The following RAPGEF4 variants were observed in gnomAD, a reference collection of about 807,000 sequenced individuals.
RAPGEF4 encodes the protein RAP guanine-nucleotide-exchange factor (GEF) 4.
In RAPGEF4, 66 loss-of-function variants were observed where a neutral mutation model predicts 147.9. That is an observed-to-expected ratio of 0.45 (90% CI 0.37 to 0.55). The LOEUF is 0.55. Among genes scored for constraint, RAPGEF4 ranks in the 20% least tolerant of loss-of-function variants. The pLI is 0.00. For missense variants in RAPGEF4, 1,071 were observed against 1,257.3 expected, an observed-to-expected ratio of 0.85 and a Z score of 2.24; for synonymous variants, 419 against 442.7, an observed-to-expected ratio of 0.95 and a Z score of 0.67.
intron 1 of RAPGEF4, among the ~76,000 whole-genome samples, chr2:172,745,442 T>G (rs1694679699): frequency 1.3e-5 from 2 of 152,088 alleles, no homozygotes. Context: ...CCCATATTGG[T>G]AATTTGTGTC....
intron 19 of RAPGEF4, 44 bp downstream of exon 19, chr2:173,016,481 A>G: frequency 6.7e-7 from 1 of 1,491,794 alleles, no homozygotes; most frequent in Non-Finnish European, 9.4e-7. Flanking sequence ...CATCAAGTAA[A>G]TCTCAAAAAG....
intron 14 of RAPGEF4, 41 bp downstream of exon 14, chr2:172,988,880 T>C: frequency 6.3e-7 from 1 of 1,592,872 alleles, no homozygotes; most frequent in Non-Finnish European, 8.6e-7. Context: ...CAGCCCATTT[T>C]TTTCTTTAAC....
At position 173,017,197 on chromosome 2, in the gene RAPGEF4, A is replaced by G. The variant is rs1340122974; in HGVS notation, c.1922A>G (p.Gln641Arg). Residue 641 changes from glutamine (Q) to arginine (R), a missense_variant, in exon 20 of 31, where the codon CAA (glutamine) becomes CGA (arginine). Transcript: ENST00000397081. ...KQISEDAKAP[Q>R]KKHKVLLQQF... ...AGCTCAGAAGATGCAAAGGCACCAC[A>G]AAAGAAGGTAGGTGGCATGAACTTG... 4 of 1,613,540 alleles carry G rather than the reference A, an allele frequency of 2.5e-6. No homozygotes were observed. In the Admixed American group the frequency reaches 5.0e-5, roughly 20 times the overall value.
At chr2:172,833,360 A>G (rs1012610888) in intron 4 of RAPGEF4, among the ~76,000 whole-genome samples, 1 of 149,690 alleles carries the variant, frequency 6.7e-6, no homozygotes, top group African/African-American at 2.5e-5. Flanking sequence ...AACGCATTTT[A>G]TGGATGTTAT....
intron 17 of RAPGEF4, among the ~76,000 whole-genome samples, chr2:173,009,981 G>C (rs962835350): frequency 1.4e-4 from 21 of 152,148 alleles, no homozygotes; most frequent in Non-Finnish European, 2.5e-4. Context: ...GTTAACATCA[G>C]ACAAAACACA....
intron 4 of RAPGEF4, among the ~76,000 whole-genome samples, chr2:172,851,730 G>A (rs1217788619): frequency 6.6e-6 from 1 of 152,128 alleles, no homozygotes; most frequent in Non-Finnish European, 1.5e-5. Context: ...TCACTTATAA[G>A]TGGGAGCTAA....
rs188775745 is a variant in RAPGEF4, at chr2:172,962,017, G to A, written c.698+789G>A. Among the ~76,000 whole-genome samples the A allele has an allele frequency of 1.4e-4, 21 of 152,294 alleles. 1 individual carries two copies. The highest frequency in any genetic ancestry group is 4.6e-4 in the African/African-American group (19 of 41,568). ...GGAGTTAAGAAATGACAGAGATAAA[G>A]GCAGAGATTTCATGGTTAGCTGAAC... is the stretch of plus-strand genomic sequence containing the variant. On this transcript the variant is annotated intron_variant, in intron 8 of 30. Transcript: ENST00000397081.
chr2:173,026,059 C>T (rs753200629), intron 23 of RAPGEF4, among the ~76,000 whole-genome samples: 3 of 152,150 alleles, frequency 2.0e-5, no homozygotes, highest in African/African-American at 2.4e-5. Flanking sequence ...GTTCACAGAG[C>T]TTTCCATTCC....
At chr2:172,899,181 G>T (rs114075868) in intron 4 of RAPGEF4, among the ~76,000 whole-genome samples, 1 of 152,154 alleles carries the variant, frequency 6.6e-6, no homozygotes, top group African/African-American at 2.4e-5. Flanking sequence ...ATACTGTTTA[G>T]ATTTTGTGTT....
At position 172,990,846 on chromosome 2, in the gene RAPGEF4, G is replaced by A. The variant is rs753523490; in HGVS notation, c.1411G>A (p.Asp471Asn). 1.2e-6 allele frequency: 2 copies of A among 1,613,880 alleles called. No homozygotes were observed. The highest frequency in any genetic ancestry group is 3.3e-5 in the Admixed American group (2 of 59,998). ...EANTVRLKEH[D>N]QDVLVLEKVP... ...GAATACAGTCAGACTTAAAGAACAT[G>A]ACCAAGATGTCTTGGTGCTGGAGAA... is the stretch of plus-strand genomic sequence containing the variant. The change falls in exon 15 of 31, where the codon GAC becomes AAC. Residue 471 changes from aspartate (D) to asparagine (N), a missense_variant. Physicochemically the swap from Asp to Asn is conservative, Grantham distance 23. Transcript: ENST00000397081.
Position 172,831,381 on chromosome 2 carries a change from G to A in RAPGEF4, c.444+16956G>A, listed in dbSNP as rs549946685. 3.7e-3 allele frequency among the ~76,000 whole-genome samples: 534 copies of A among 143,614 alleles called. 3 individuals carry two copies. Among genetic ancestry groups the A allele is most frequent in the South Asian group, 0.024 (106 of 4,364 alleles). 94.2% of individuals were successfully genotyped at this position (143,614 alleles called of 152,430 possible). Reference sequence around the variant, plus strand: ...CCTCCCGGGTTCAAGCAATTCTCCCGCCTCAGCCTCCTGAGTAGCTGGGAT... The same window carrying A: ...CCTCCCGGGTTCAAGCAATTCTCCCACCTCAGCCTCCTGAGTAGCTGGGAT... On this transcript the variant is annotated intron_variant, in intron 4 of 30. Coordinates refer to ENST00000397081, the MANE Select transcript of RAPGEF4 (RefSeq NM_007023.4).
chr2:172,762,053 C>T (rs906588775), intron 1 of RAPGEF4, among the ~76,000 whole-genome samples: 5 of 152,130 alleles, frequency 3.3e-5, no homozygotes, highest in Non-Finnish European at 7.4e-5. Context: ...ACCCAAGAGG[C>T]GGAGGTTGCA....
chr2:172,984,989 A>C (rs1022524287), intron 11 of RAPGEF4, among the ~76,000 whole-genome samples: 1 of 152,194 alleles, frequency 6.6e-6, no homozygotes, highest in Non-Finnish European at 1.5e-5. Flanking sequence ...GTGTTCGTTC[A>C]TTTAGGCTTC....
intron 6 of RAPGEF4, among the ~76,000 whole-genome samples, chr2:172,935,778 G>T (rs1369949779): frequency 6.6e-6 from 1 of 152,184 alleles, no homozygotes; most frequent in Non-Finnish European, 1.5e-5. Flanking sequence ...GATTAACAAG[G>T]TTTGATCTTA....
chr2:172,763,205 A>C (rs956941664), intron 1 of RAPGEF4, among the ~76,000 whole-genome samples: 2 of 152,278 alleles, frequency 1.3e-5, no homozygotes, highest in Non-Finnish European at 2.9e-5. Context: ...CTTCACCATC[A>C]TTTTATCATA....
intron 1 of RAPGEF4, among the ~76,000 whole-genome samples, chr2:172,740,081 G>A (rs572638771): frequency 2.6e-5 from 4 of 152,320 alleles, no homozygotes; most frequent in African/African-American, 7.2e-5. Flanking sequence ...CTGCTTTCCC[G>A]CTGCAGTGGC....
At chr2:172,864,219 G>A (rs557109605) in intron 4 of RAPGEF4, among the ~76,000 whole-genome samples, 4 of 152,330 alleles carry the variant, frequency 2.6e-5, no homozygotes, top group South Asian at 2.1e-4. Flanking sequence ...CGGGTAGTGA[G>A]AGAGATACCT....
chr2:172,749,075 T>G (rs10195939), intron 1 of RAPGEF4, among the ~76,000 whole-genome samples: 35,386 of 152,188 alleles, frequency 0.23, 4,370 homozygotes, highest in South Asian at 0.29. Flanking sequence ...CCTCCTTCCC[T>G]GCTGCTTTTA....
chr2:172,793,794 T>C (rs1357291019), intron 1 of RAPGEF4, among the ~76,000 whole-genome samples: 2 of 152,220 alleles, frequency 1.3e-5, no homozygotes, highest in African/African-American at 2.4e-5. Context: ...GCAGGTTGCA[T>C]CTATTCCAGA....
Sources: allele counts gnomAD v4.1 joint callset (sites outside exome capture counted in the v4.1 genomes callset), GRCh38; gene constraint gnomAD v4.1.1; transcripts MANE v1.5; gene names NCBI Gene and HGNC (gene_info 2026-07-23, HGNC 2026-07-21).